The following FGF22 variants were observed in gnomAD, a reference collection of about 807,000 sequenced individuals.
FGF22 encodes fibroblast growth factor 22.
Under a neutral mutation model 10.3 loss-of-function variants are expected in FGF22, and 11 were observed. The ratio of observed to expected loss-of-function variants is 1.07; its 90% CI spans 0.67 to 1.77. The LOEUF (loss-of-function observed/expected upper bound fraction) is 1.77. Among genes scored for constraint, FGF22 ranks in the 40% most tolerant of loss-of-function variants. FGF22 has a pLI of 0.00. For missense variants in FGF22, 317 were observed against 273.2 expected (o/e 1.16, Z -1.13); for synonymous variants, 136 against 122.1 (o/e 1.11, Z -0.75).
At chr19:644,176 C>T (rs1476882055) in exon 3 of FGF22, 8 of 158,162 alleles carry the variant, frequency 5.1e-5, no homozygotes, top group Non-Finnish European at 8.3e-5. Context: ...GGATGGGCCG[C>T]GCTGTGGCCG....
chr19:640,105 C>A, exon 1 of FGF22: 1 of 1,387,138 alleles, frequency 7.2e-7, no homozygotes, highest in South Asian at 1.6e-5. Context: ...CCGGCGGCCG[C>A]GTGCAGGGCA....
At chr19:640,987 G>A (rs1985880201) in intron 1 of FGF22, 3 of 359,118 alleles carry the variant, frequency 8.4e-6, no homozygotes, top group South Asian at 4.0e-5. Flanking sequence ...GGCGGGCATG[G>A]CCAGGCGGGG....
intron 1 of FGF22, among the ~76,000 whole-genome samples, chr19:641,749 G>C (rs942157010): frequency 6.6e-6 from 1 of 152,116 alleles, no homozygotes; most frequent in Non-Finnish European, 1.5e-5. Flanking sequence ...CCTCAAAGAC[G>C]TTCCTGTGTG....
exon 1 of FGF22, chr19:639,949 C>T: frequency 8.0e-7 from 1 of 1,246,262 alleles, no homozygotes; most frequent in African/African-American, 1.6e-5. Flanking sequence ...TGTGGCTGGG[C>T]CTGGCCTGGC....
intron 1 of FGF22, chr19:640,709 C>G (rs2144741337): frequency 5.6e-6 from 1 of 179,180 alleles, no homozygotes; most frequent in South Asian, 1.2e-4. Flanking sequence ...TGAGGTAGGC[C>G]CTCAGTGTTT....
At chr19:642,366 T>G (rs1266493941) in intron 1 of FGF22, among the ~76,000 whole-genome samples, 3 of 2,774 alleles carry the variant, frequency 1.1e-3, no homozygotes, top group Non-Finnish European at 2.1e-3. Flanking sequence ...CCATATGGGG[T>G]GGTGTGAGCT....
At chr19:643,661 C>A (rs1389665701) in exon 3 of FGF22, 12 of 1,362,212 alleles carry the variant, frequency 8.8e-6, no homozygotes, top group Admixed American at 2.6e-5. Flanking sequence ...AGGGGCCCGG[C>A]CACGCTTGTT....
At chr19:643,674 T>TC in exon 3 of FGF22, 1 of 1,287,280 alleles carries the variant, frequency 7.8e-7, no homozygotes. Flanking sequence ...CGCTTGTTCT[T>TC]CCCCCTGCGG....
intron 1 of FGF22, chr19:641,005 G>T (rs1435874837): frequency 5.5e-6 from 2 of 360,898 alleles, no homozygotes; most frequent in Admixed American, 7.1e-5. Context: ...GGGTGGCCTC[G>T]GGCCGGGGCA....
exon 1 of FGF22, chr19:639,912 C>T (rs1445530221): frequency 3.3e-6 from 4 of 1,211,770 alleles, no homozygotes; most frequent in South Asian, 3.7e-5. Context: ...GCGCAGCGAA[C>T]CGGGTGCCGG....
intron 1 of FGF22, chr19:641,178 A>C: frequency 2.2e-6 from 1 of 456,508 alleles, no homozygotes; most frequent in East Asian, 6.9e-5. Flanking sequence ...TGTGCTCCGC[A>C]TGGGGGACCC....
At chr19:643,521 G>T (rs1331887181) in exon 3 of FGF22, 2 of 1,607,292 alleles carry the variant, frequency 1.2e-6, no homozygotes, top group African/African-American at 2.7e-5. Flanking sequence ...CCTGGCGCTG[G>T]ACAGGAGGGG....
chr19:643,816 C>G (rs1985996664), exon 3 of FGF22: 1 of 565,074 alleles, frequency 1.8e-6, no homozygotes, highest in Non-Finnish European at 3.1e-6. Context: ...ACCTCGAGGA[C>G]CCAACAGGGC....
In FGF22 at chr19:641,544, C is replaced by T. The variant is rs374524201; in HGVS notation, c.214+1405C>T. 318 of 205,452 alleles carry T rather than the reference C, an allele frequency of 1.5e-3. 1 individual carries two copies. Among genetic ancestry groups the T allele is most frequent in the Middle Eastern group, 4.5e-3 (2 of 440 alleles). 12.7% of individuals were successfully genotyped at this position (205,452 alleles called of 1,614,324 possible). Reference sequence around the variant, plus strand: ...GAGCTGAGATCGCGCCACTGCCCTCCACCCTGGGCGACAGAGCGAGACTCC... The same window carrying T: ...GAGCTGAGATCGCGCCACTGCCCTCTACCCTGGGCGACAGAGCGAGACTCC... On this transcript the variant is annotated intron_variant, in intron 1 of 2. Transcript: ENST00000215530.
Position 643,122 on chromosome 19 carries a change from C to T in FGF22, c.215-113C>T, listed in dbSNP as rs957913441. The T allele has an allele frequency of 6.5e-5, 17 of 260,688 alleles. No individual in the cohort carries two copies. In the African/African-American group the frequency reaches 1.2e-3, roughly 19 times the overall value. The allele number at this position is 260,688 out of a possible 1,614,324, so 16.1% of individuals were successfully genotyped here. On this transcript the variant is annotated intron_variant, in intron 1 of 2. Transcript: ENST00000215530. ...GTGGTCGGGAGGGGACTCGTGGTCC[C>T]GGGGGTCTCCTGGTATCTGTCGTGG...
exon 3 of FGF22, chr19:643,576 C>G: frequency 3.2e-6 from 5 of 1,563,582 alleles, no homozygotes; most frequent in Non-Finnish European, 2.6e-6. Context: ...CACCTGTCCG[C>G]CCACTTCCTG....
exon 3 of FGF22, chr19:643,642 C>G: frequency 1.4e-6 from 2 of 1,453,612 alleles, no homozygotes. Context: ...GGTGCCTGGG[C>G]TGGTGGCGAG....
In FGF22 at chr19:643,348, G is replaced by C. The variant is rs370619633; in HGVS notation, c.318+10G>C. 1.2e-6 allele frequency: 2 copies of C among 1,606,050 alleles called. No homozygotes were observed. The highest frequency in any genetic ancestry group is 1.7e-6 in the Non-Finnish European group (2 of 1,175,954). On this transcript the variant is annotated intron_variant, in intron 2 of 2. Coordinates refer to ENST00000215530, the Ensembl canonical transcript of FGF22. ...CCGCCTCTACGGGTCGGTGAGTGCC[G>C]GGCAGGGCTGGGCGGCGCGGGCAGG...
chr19:640,043 G>A (rs1431325577), exon 1 of FGF22: 6 of 1,409,090 alleles, frequency 4.3e-6, no homozygotes, highest in African/African-American at 1.5e-5. Context: ...GGAGGGCGAC[G>A]TGCGCTGGCG....
Sources: gnomAD v4.1 joint callset for allele counts (sites outside exome capture counted in the v4.1 genomes callset) on GRCh38, gnomAD v4.1.1 for gene constraint, MANE v1.5 for transcripts, NCBI Gene and HGNC (gene_info 2026-07-23, HGNC 2026-07-21) for gene names.